The following REV3L variants were observed in gnomAD, a reference collection of about 807,000 sequenced individuals.
REV3L encodes the protein DNA polymerase zeta catalytic subunit.
A neutral mutation model predicts 299.4 loss-of-function variants in REV3L; 69 were observed. The ratio of observed to expected loss-of-function variants is 0.23; its 90% CI spans 0.19 to 0.28. REV3L has a LOEUF of 0.28. Among genes scored for constraint, REV3L ranks in the 10% least tolerant of loss-of-function variants. The probability of loss-of-function intolerance (pLI) is 1.00; values close to 1 mark genes in which losing one functional copy is unlikely to be tolerated. For missense variants in REV3L, 3,128 were observed against 3,693.8 expected, an observed-to-expected ratio of 0.85 and a Z score of 3.97; for synonymous variants, 1,238 against 1,271.4, an observed-to-expected ratio of 0.97 and a Z score of 0.56.
At chr6:111,470,509 C>T (rs963008958) in intron 1 of REV3L, among the ~76,000 whole-genome samples, 1 of 152,162 alleles carries the variant, frequency 6.6e-6, no homozygotes, top group African/African-American at 2.4e-5. Context: ...TCGCTTATAA[C>T]AGGGCACACA....
Position 111,367,954 on chromosome 6 carries a change from G to C in REV3L, c.5834C>G (p.Ser1945Cys). 1 of 1,613,964 alleles carries C rather than the reference G, an allele frequency of 6.2e-7. No homozygotes were observed. Among genetic ancestry groups the C allele is most frequent in the Non-Finnish European group, 8.5e-7 (1 of 1,179,958 alleles). The change falls in exon 14 of 32, where the codon TCC becomes TGC. Residue 1945 changes from serine (S) to cysteine (C), a missense_variant. By Grantham distance (112) the Ser-to-Cys change is moderately radical. Around this residue, in one of 9 missense-constraint regions of REV3L, gnomAD observed 2,409 missense variants for 2,611.8 expected, o/e 0.92. Transcript: ENST00000368802. The stretch of plus-strand genomic sequence containing the variant: ...TTTCCAAAGACGAAGTCCTTCCAAG[G>C]AAAAGTCTCCCTCAAACTCAGCCAG... ...NDLAEFEGDF[S>C]LEGLRLWKTA...
intron 1 of REV3L, among the ~76,000 whole-genome samples, chr6:111,431,998 T>C (rs1314008081): frequency 2.6e-5 from 4 of 152,220 alleles, no homozygotes; most frequent in Non-Finnish European, 5.9e-5. Context: ...CTATTCTTTG[T>C]TTTGTAATTA....
chr6:111,414,094 T>C (rs1354112511), intron 2 of REV3L, among the ~76,000 whole-genome samples: 1 of 151,858 alleles, frequency 6.6e-6, no homozygotes, highest in Non-Finnish European at 1.5e-5. Flanking sequence ...AAGAAACACA[T>C]AAAAATTAAG....
chr6:111,349,223 T>C lies in REV3L; in HGVS notation c.7414A>G (p.Asn2472Asp), dbSNP rs200102370. The C allele has an allele frequency of 2.4e-5, 36 of 1,514,956 alleles. No homozygotes were observed. Among genetic ancestry groups the C allele is most frequent in the Non-Finnish European group, 2.6e-5 (28 of 1,091,984 alleles). The allele number at this position is 1,514,956 out of a possible 1,614,324, so 93.8% of individuals were successfully genotyped here. ...ATTTTGGATAAATCACCCACCTCAT[T>C]TCTCATGATTCTCCAAAGATTTAGT... ...ITLNLWRIMR[N>D]EVALTNYTFE... Residue 2472 changes from asparagine (N) to aspartate (D), a missense_variant, in exon 20 of 32, where the codon AAT becomes GAT. Around this residue, in one of 9 missense-constraint regions of REV3L, gnomAD observed 149 missense variants for 286.4 expected, o/e 0.52. Transcript: ENST00000368802.
In REV3L at chr6:111,367,150, A is replaced by G; in HGVS notation, c.6638T>C (p.Leu2213Pro). The G allele has an allele frequency of 6.2e-7, 1 of 1,606,012 alleles. No individual in the cohort carries two copies. Among genetic ancestry groups the G allele is most frequent in the Non-Finnish European group, 8.5e-7 (1 of 1,177,344 alleles). The stretch of plus-strand genomic sequence containing the variant: ...TGGGCTAAGGCCAGGTGCTTCAGGA[A>G]GCCTTTCCAGAAGTTTTCTCTGTAT... Reference protein sequence around the residue: ...PIIQRKLLERLPEAPGLSPLS... With the variant: ...PIIQRKLLERPPEAPGLSPLS... The change falls in exon 14 of 32, where the codon CTT becomes CCT. Residue 2213 changes from leucine to proline, a missense_variant. Coordinates refer to ENST00000368802, the MANE Select transcript of REV3L (RefSeq NM_001372078.1).
chr6:111,358,343 T>C (rs945009458), intron 17 of REV3L, among the ~76,000 whole-genome samples: 1 of 152,150 alleles, frequency 6.6e-6, no homozygotes, highest in Non-Finnish European at 1.5e-5. Flanking sequence ...TAGGGATACA[T>C]AATAAGGTGG....
At chr6:111,392,664 T>C (rs1782055977) in intron 5 of REV3L, 2 of 391,552 alleles carry the variant, frequency 5.1e-6, no homozygotes, top group Non-Finnish European at 9.3e-6. Flanking sequence ...TTCCTTTTGT[T>C]AATTAGGTAA....
intron 3 of REV3L, among the ~76,000 whole-genome samples, chr6:111,407,399 T>C (rs1038250276): frequency 3.3e-5 from 5 of 152,224 alleles, no homozygotes; most frequent in South Asian, 4.1e-4. Context: ...GAAACAACCA[T>C]AGATGTTAAA....
intron 1 of REV3L, among the ~76,000 whole-genome samples, chr6:111,477,183 T>C (rs548859758): frequency 1.2e-4 from 18 of 152,220 alleles, no homozygotes; most frequent in Admixed American, 3.3e-4. Flanking sequence ...CATTTGCCAA[T>C]TGTTGAACAC....
intron 1 of REV3L, among the ~76,000 whole-genome samples, chr6:111,475,023 AT>A (rs913620255): frequency 1.8e-4 from 27 of 146,744 alleles, no homozygotes; most frequent in African/African-American, 6.2e-4. Context: ...ACACACACAC[AT>A]ATGGATTTTA....
chr6:111,335,675 T>G, intron 21 of REV3L, 65 bp from the exon 22 acceptor site: 2 of 1,491,982 alleles, frequency 1.3e-6, no homozygotes, highest in South Asian at 1.3e-5. Flanking sequence ...AACAGTACTT[T>G]TTTTCCTGCC....
Position 111,300,171 on chromosome 6 carries a change from G to A in REV3L, c.9253-15C>T, listed in dbSNP as rs533744710. 1.9e-6 allele frequency: 3 copies of A among 1,546,104 alleles called. No homozygotes were observed. Among genetic ancestry groups the A allele is most frequent in the South Asian group, 1.2e-5 (1 of 80,302 alleles). On this transcript the variant is annotated splice_polypyrimidine_tract_variant and intron_variant, in intron 31 of 31. Transcript: ENST00000368802. ...TTCTTGCATATCTGAAAGCATAAGAGAAATACAAAAAATAATAGGAAAGTT... is the reference window on the plus strand; with the variant it reads ...TTCTTGCATATCTGAAAGCATAAGAAAAATACAAAAAATAATAGGAAAGTT...
At chr6:111,449,045 TG>T (rs1789198330) in intron 1 of REV3L, among the ~76,000 whole-genome samples, 1 of 152,124 alleles carries the variant, frequency 6.6e-6, no homozygotes, top group South Asian at 2.1e-4. Context: ...TGAAACACTT[TG>T]GAGAGGATTT....
intron 1 of REV3L, among the ~76,000 whole-genome samples, chr6:111,450,235 T>C (rs1789335502): frequency 1.3e-5 from 2 of 151,968 alleles, no homozygotes; most frequent in Non-Finnish European, 2.9e-5. Flanking sequence ...TCCCAGCTCT[T>C]TGGGAGGCTG....
At chr6:111,341,847 T>A (rs1439478401) in intron 21 of REV3L, among the ~76,000 whole-genome samples, 1 of 151,850 alleles carries the variant, frequency 6.6e-6, no homozygotes, top group Non-Finnish European at 1.5e-5. Flanking sequence ...TGAGGCTGAA[T>A]AAAGAGCAGC....
intron 1 of REV3L, among the ~76,000 whole-genome samples, chr6:111,437,586 A>G (rs920973776): frequency 2.0e-5 from 3 of 151,944 alleles, no homozygotes; most frequent in African/African-American, 7.2e-5. Context: ...AGGGAGCCAG[A>G]CACAAAAAAT....
At chr6:111,359,225 A>C (rs761013317) in intron 16 of REV3L, among the ~76,000 whole-genome samples, 27 of 152,110 alleles carry the variant, frequency 1.8e-4, no homozygotes, top group Admixed American at 2.6e-4. Context: ...TATTTCAGAA[A>C]ATCTGCTCTC....
chr6:111,390,082 G>T lies in REV3L; in HGVS notation c.757+4C>A. 2 of 1,575,788 alleles carry T rather than the reference G, an allele frequency of 1.3e-6. No individual in the cohort carries two copies. Among genetic ancestry groups the T allele is most frequent in the South Asian group, 1.1e-5 (1 of 90,162 alleles). On this transcript the variant is annotated splice_donor_region_variant and intron_variant, in intron 6 of 31. Transcript: ENST00000368802. ...ACATATATTAAGAATAATTGTGTAT[G>T]AACCTTCAATGTCCAGACGATTTAA...
chr6:111,476,855 A>G (rs950544000), intron 1 of REV3L, among the ~76,000 whole-genome samples: 6 of 152,228 alleles, frequency 3.9e-5, no homozygotes, highest in African/African-American at 1.4e-4. Flanking sequence ...TTTGGAGACC[A>G]TTACGAATCT....
Sources: allele counts gnomAD v4.1 joint callset (sites outside exome capture counted in the v4.1 genomes callset), GRCh38; gene constraint gnomAD v4.1.1; regional missense constraint gnomAD v4.1.1; transcripts MANE v1.5; gene names NCBI Gene and HGNC (gene_info 2026-07-23, HGNC 2026-07-21).